The following FBP2 variants were observed in gnomAD, a reference collection of about 807,000 sequenced individuals.
FBP2 encodes the protein fructose-bisphosphatase 2.
FBP2 carries 27 observed loss-of-function variants against 31.6 expected under a neutral mutation model. The observed-to-expected ratio is 0.85, with a 90% CI of 0.63 to 1.18. The LOEUF is 1.18. Ranked by LOEUF, FBP2 falls within the 50% of genes most tolerant of loss-of-function variation. The pLI is 0.00. For missense variants in FBP2, 421 were observed against 436.1 expected (o/e 0.97, Z 0.31); for synonymous variants, 168 against 179.8 (o/e 0.93, Z 0.53).
At chr9:94,590,615 G>A (rs903313156) in intron 1 of FBP2, among the ~76,000 whole-genome samples, 40 of 152,330 alleles carry the variant, frequency 2.6e-4, no homozygotes, top group Non-Finnish European at 1.5e-4. Context: ...CAGAAGTGAA[G>A]CTGCAGATCT....
intron 3 of FBP2, among the ~76,000 whole-genome samples, chr9:94,580,830 G>A (rs1294879718): frequency 2.0e-5 from 3 of 152,116 alleles, no homozygotes; most frequent in Admixed American, 6.5e-5. Flanking sequence ...TTAAGTTACA[G>A]GGCTTTGACT....
At chr9:94,593,492 C>T in intron 1 of FBP2, 65 bp downstream of exon 1, 12 of 1,479,822 alleles carry the variant, frequency 8.1e-6, no homozygotes, top group South Asian at 5.5e-5. Context: ...AAAGCACCTG[C>T]AGCTCCCACA....
In FBP2 at chr9:94,567,292, A is replaced by G; in HGVS notation, c.683T>C (p.Val228Ala). Reference protein sequence around the residue: ...KYFDAATTEYVQKKKFPEDGS... With the variant: ...KYFDAATTEYAQKKKFPEDGS... ...CACCTCAGGGAATTTCTTTTTCTGC[A>G]CATATTCAGTGGTGGCCGCATCAAA... Residue 228 changes from valine to alanine, a missense_variant, in exon 5 of 7, where the codon GTG becomes GCG. Val to Ala is a moderately conservative substitution (Grantham distance 64). Coordinates refer to ENST00000375337, the MANE Select transcript of FBP2 (RefSeq NM_003837.4). 6.2e-7 allele frequency: 1 copy of G among 1,614,138 alleles called. No homozygotes were observed. Among genetic ancestry groups the G allele is most frequent in the Non-Finnish European group, 8.5e-7 (1 of 1,180,012 alleles).
intron 3 of FBP2, chr9:94,577,693 G>A (rs1827330088): frequency 6.6e-6 from 1 of 152,148 alleles, no homozygotes; most frequent in African/African-American, 2.4e-5. Flanking sequence ...CCAAATTTTG[G>A]CTGCCAGCTT....
intron 1 of FBP2, among the ~76,000 whole-genome samples, chr9:94,593,176 T>C (rs55940941): frequency 0.034 from 5,250 of 152,188 alleles, 279 homozygotes; most frequent in African/African-American, 0.12. Context: ...AATAAAACAC[T>C]CATGTCTGCA....
intron 6 of FBP2, among the ~76,000 whole-genome samples, chr9:94,561,594 T>A (rs1827104599): frequency 6.6e-6 from 1 of 152,104 alleles, no homozygotes; most frequent in Admixed American, 6.5e-5. Context: ...CTCGATCTTC[T>A]GACCTCGTGA....
At position 94,587,385 on chromosome 9, in the gene FBP2, C is replaced by T. The variant is rs758027990; in HGVS notation, c.255G>A (p.Met85Ile). 1.9e-6 allele frequency: 3 copies of T among 1,613,912 alleles called. No homozygotes were observed. Among genetic ancestry groups the T allele is most frequent in the African/African-American group, 2.7e-5 (2 of 74,908 alleles). The change falls in exon 2 of 7, where the codon ATG (methionine) becomes ATA (isoleucine). Residue 85 changes from methionine to isoleucine, a missense_variant. Physicochemically the swap from Met to Ile is conservative, Grantham distance 10. Transcript: ENST00000375337. ...CGCAGGTACTATAGGAGGATTGGAC[C>T]ATGTTGATCACCAGGGAATTGGATA... ...DVLSNSLVIN[M>I]VQSSYSTCVL...
At chr9:94,590,939 A>G (rs1827491859) in intron 1 of FBP2, among the ~76,000 whole-genome samples, 1 of 152,236 alleles carries the variant, frequency 6.6e-6, no homozygotes, top group Non-Finnish European at 1.5e-5. Context: ...GCCCCACCAG[A>G]GCAGCTAGAT....
chr9:94,590,012 G>A (rs111887972), intron 1 of FBP2, among the ~76,000 whole-genome samples: 9,488 of 152,148 alleles, frequency 0.062, 992 homozygotes, highest in African/African-American at 0.22. Flanking sequence ...GCAGAGCTGA[G>A]AAACAGCCTC....
intron 4 of FBP2, chr9:94,568,141 A>AT (rs57947389): frequency 1.3e-5 from 2 of 150,646 alleles, no homozygotes; most frequent in African/African-American, 4.9e-5. Context: ...AAAAAAAAAA[A>AT]TGTGTGGTAC....
intron 1 of FBP2, among the ~76,000 whole-genome samples, chr9:94,589,682 G>T (rs939457664): frequency 1.3e-5 from 2 of 152,076 alleles, no homozygotes; most frequent in African/African-American, 4.8e-5. Flanking sequence ...CCTTAAGCTG[G>T]GGGCAAACTC....
chr9:94,588,015 A>T (rs1827448183), intron 1 of FBP2, among the ~76,000 whole-genome samples: 1 of 151,624 alleles, frequency 6.6e-6, no homozygotes, highest in African/African-American at 2.4e-5. Context: ...CGCCCGGCTA[A>T]TTTTTTTCTG....
intron 3 of FBP2, chr9:94,572,923 C>T (rs1827283939): frequency 6.6e-6 from 1 of 150,732 alleles, no homozygotes; most frequent in Non-Finnish European, 1.5e-5. Flanking sequence ...GATCTTGTAT[C>T]CTGTGACCTT....
At chr9:94,584,419 G>A (rs775982264) in intron 3 of FBP2, among the ~76,000 whole-genome samples, 158 bp downstream of exon 3, 1 of 151,680 alleles carries the variant, frequency 6.6e-6, no homozygotes, top group Non-Finnish European at 1.5e-5. Flanking sequence ...CTTCTAATGA[G>A]GAGCCCCAGG....
intron 3 of FBP2, among the ~76,000 whole-genome samples, chr9:94,576,159 A>C (rs1444964983): frequency 6.6e-6 from 1 of 152,212 alleles, no homozygotes; most frequent in Non-Finnish European, 1.5e-5. Context: ...TGTCAGCCTG[A>C]GGTCCAGGTG....
chr9:94,590,991 A>G (rs559016078), intron 1 of FBP2, among the ~76,000 whole-genome samples: 10 of 152,350 alleles, frequency 6.6e-5, no homozygotes, highest in South Asian at 2.1e-4. Flanking sequence ...TGAGCTAAAC[A>G]CAGGGTGCTG....
chr9:94,587,316 C>A lies in FBP2; in HGVS notation c.324G>T (p.Lys108Asn). ...EENKDAIITA[K>N]EKRGKYVVCF... is the part of the protein sequence containing the mutation. The stretch of plus-strand genomic sequence containing the variant: ...CAGCCCCATGACGCACCCGCTTCTC[C>A]TTGGCGGTGATGATGGCGTCCTTAT... The change falls in exon 2 of 7, where the codon AAG becomes AAT. Residue 108 changes from lysine (K) to asparagine (N), a missense_variant. Transcript: ENST00000375337. The A allele has an allele frequency of 6.2e-7, 1 of 1,611,532 alleles. No individual in the cohort carries two copies. The highest frequency in any genetic ancestry group is 8.5e-7 in the Non-Finnish European group (1 of 1,179,394).
intron 1 of FBP2, among the ~76,000 whole-genome samples, chr9:94,589,396 A>T (rs1313217672): frequency 6.6e-6 from 1 of 151,998 alleles, no homozygotes; most frequent in African/African-American, 2.4e-5. Flanking sequence ...TGGGCCCCAC[A>T]CACCAGAAAC....
rs1827269388 is a variant in FBP2 at position 94,571,539 on chromosome 9, CTGCGGCCACAATAT to C, written c.476_489del (p.Asn159ArgfsTer7). The C allele has an allele frequency of 8.1e-6, 13 of 1,613,930 alleles. No individual in the cohort carries two copies. The highest frequency in any genetic ancestry group is 1.7e-5 in the Admixed American group (1 of 60,006). Reference sequence around the variant, plus strand: ...GTTGCACTACCGTACAGCGCATAACCTGCGGCCACAATATTGCGGCCACACTGCAGGGCATCCTT... The same window carrying C: ...GTTGCACTACCGTACAGCGCATAACCTGCGGCCACACTGCAGGGCATCCTT... On this transcript the variant is annotated frameshift_variant, in exon 4 of 7. Coordinates refer to ENST00000375337, the MANE Select transcript of FBP2 (RefSeq NM_003837.4). LOFTEE classifies it high-confidence loss of function.
Sources: gnomAD v4.1 joint callset for allele counts (sites outside exome capture counted in the v4.1 genomes callset) on GRCh38, gnomAD v4.1.1 for gene constraint, MANE v1.5 for transcripts, NCBI Gene and HGNC (gene_info 2026-07-23, HGNC 2026-07-21) for gene names.